Variants in LRBA observed in about 807,000 individuals in gnomAD.
The protein encoded by LRBA is LPS responsive beige-like anchor protein, also known as lipopolysaccharide-responsive and beige-like anchor protein.
Under a neutral mutation model 330.0 loss-of-function variants are expected in LRBA, and 176 were observed. The ratio of observed to expected loss-of-function variants is 0.53; its 90% CI spans 0.47 to 0.60. The LOEUF is 0.60. LRBA is among the 20% of genes least tolerant of loss of function. The probability of loss-of-function intolerance (pLI) is 0.00; values close to 1 mark genes in which losing one functional copy is unlikely to be tolerated. For missense variants in LRBA, 3,259 were observed against 3,444.8 expected (o/e 0.95, Z 1.35); for synonymous variants, 1,230 against 1,193.0 (o/e 1.03, Z -0.64).
chr4:150,827,173 A>G (rs556727451), intron 30 of LRBA, among the ~76,000 whole-genome samples: 1 of 152,336 alleles, frequency 6.6e-6, no homozygotes, highest in East Asian at 1.9e-4. Context: ...ACATAGAAGA[A>G]GCAGTACCAG....
chr4:150,404,703 C>T (rs72734443), intron 47 of LRBA, among the ~76,000 whole-genome samples: 1 of 152,010 alleles, frequency 6.6e-6, no homozygotes, highest in African/African-American at 2.4e-5. Flanking sequence ...ATGAGATACC[C>T]ACGGGGAAGA....
rs1775545415 is a variant in LRBA at position 150,614,194 on chromosome 4, G to A, written c.5922-15063C>T. Among the ~76,000 whole-genome samples the A allele has an allele frequency of 2.0e-5, 3 of 152,078 alleles. No homozygotes were observed. The South Asian group carries it at 6.2e-4, about 32-fold the overall frequency. On this transcript the variant is annotated intron_variant, in intron 37 of 56. Transcript: ENST00000651943. ...TCATTTTTGGCTTGTTACTTTAATT[G>A]GCTACTCCTACACCTGACAGTTCAA...
At chr4:150,775,447 A>C (rs1246752128) in intron 34 of LRBA, among the ~76,000 whole-genome samples, 1 of 129,754 alleles carries the variant, frequency 7.7e-6, no homozygotes, top group Non-Finnish European at 1.6e-5. Flanking sequence ...GGAAGTCTGC[A>C]ATGGAACACA....
intron 40 of LRBA, among the ~76,000 whole-genome samples, chr4:150,544,122 C>T (rs1765601432): frequency 6.6e-6 from 1 of 151,762 alleles, no homozygotes; most frequent in Non-Finnish European, 1.5e-5. Flanking sequence ...CATAATTCTT[C>T]CTTTCTTTTT....
At chr4:150,512,212 C>T (rs923569367) in intron 40 of LRBA, among the ~76,000 whole-genome samples, 1 of 152,076 alleles carries the variant, frequency 6.6e-6, no homozygotes, top group Non-Finnish European at 1.5e-5. Context: ...GTATTTCAGC[C>T]CCTGGTAAGG....
intron 47 of LRBA, among the ~76,000 whole-genome samples, chr4:150,394,401 T>C (rs1561113990): frequency 1.3e-5 from 2 of 152,222 alleles, no homozygotes; most frequent in Non-Finnish European, 2.9e-5. Flanking sequence ...TAATTAGATA[T>C]GTTAATTATG....
chr4:150,542,780 CAAT>C (rs1051803428), intron 40 of LRBA, among the ~76,000 whole-genome samples: 17 of 152,170 alleles, frequency 1.1e-4, no homozygotes, highest in African/African-American at 3.9e-4. Context: ...AAAACAAACT[CAAT>C]GATTTAAAAT....
At chr4:150,484,183 G>A (rs1322195738) in intron 42 of LRBA, among the ~76,000 whole-genome samples, 1 of 151,786 alleles carries the variant, frequency 6.6e-6, no homozygotes, top group Non-Finnish European at 1.5e-5. Context: ...AGGTAATGCT[G>A]GTCTCATATA....
At chr4:150,723,889 C>G (rs1293113945) in intron 36 of LRBA, among the ~76,000 whole-genome samples, 1 of 152,138 alleles carries the variant, frequency 6.6e-6, no homozygotes, top group Non-Finnish European at 1.5e-5. Flanking sequence ...AGAAGAGCCC[C>G]TAGGCTCTCA....
At chr4:150,738,104 C>T (rs1731462593) in intron 35 of LRBA, among the ~76,000 whole-genome samples, 2 of 151,402 alleles carry the variant, frequency 1.3e-5, no homozygotes, top group South Asian at 4.2e-4. Context: ...GATTCTCCTG[C>T]CTCAACCTCC....
intron 47 of LRBA, among the ~76,000 whole-genome samples, chr4:150,391,267 T>C (rs895636352): frequency 6.6e-6 from 1 of 152,214 alleles, no homozygotes; most frequent in Non-Finnish European, 1.5e-5. Context: ...GATGACATCA[T>C]GGATTCAATT....
At chr4:150,720,018 T>A (rs75945619) in intron 36 of LRBA, among the ~76,000 whole-genome samples, 1 of 152,114 alleles carries the variant, frequency 6.6e-6, no homozygotes. Context: ...CTATTTCAAA[T>A]AAGCTCTTCC....
intron 37 of LRBA, among the ~76,000 whole-genome samples, chr4:150,678,385 C>T (rs113813477): frequency 2.6e-5 from 4 of 152,092 alleles, no homozygotes; most frequent in African/African-American, 7.2e-5. Flanking sequence ...AAAAAAATGG[C>T]TCCTCAGTAT....
At chr4:150,868,013 G>C (rs1752948695) in intron 21 of LRBA, 150 bp from the exon 22 acceptor site, 1 of 887,238 alleles carries the variant, frequency 1.1e-6, no homozygotes. Context: ...TCGACAATGT[G>C]GTACTAAAAA....
At chr4:150,801,745 A>G (rs1186251684) in intron 33 of LRBA, among the ~76,000 whole-genome samples, 2 of 152,180 alleles carry the variant, frequency 1.3e-5, no homozygotes, top group Non-Finnish European at 2.9e-5. Context: ...CTGCTAAATA[A>G]CATGCTCATA....
chr4:150,869,738 CA>C (rs79342509), intron 20 of LRBA, among the ~76,000 whole-genome samples: 12,535 of 145,940 alleles, frequency 0.086, 695 homozygotes, highest in East Asian at 0.19. Flanking sequence ...TAAATTAAAA[CA>C]AAAAAAAAAA....
At chr4:150,541,128 C>T (rs530065320) in intron 40 of LRBA, among the ~76,000 whole-genome samples, 22 of 152,276 alleles carry the variant, frequency 1.4e-4, no homozygotes, top group African/African-American at 5.1e-4. Context: ...AGTTCAATGG[C>T]TCAAATAGTA....
At chr4:150,848,300 C>A (rs1362151700) in intron 26 of LRBA, among the ~76,000 whole-genome samples, 2 of 152,140 alleles carry the variant, frequency 1.3e-5, no homozygotes, top group Non-Finnish European at 2.9e-5. Flanking sequence ...CAGGTGTGAG[C>A]CACCACCCCA....
intron 2 of LRBA, among the ~76,000 whole-genome samples, chr4:150,991,325 C>T (rs566487370): frequency 1.1e-4 from 17 of 152,268 alleles, no homozygotes; most frequent in African/African-American, 2.9e-4. Flanking sequence ...CATACATTTA[C>T]CATACCAAGC....
Sources: gnomAD v4.1 joint callset for allele counts (sites outside exome capture counted in the v4.1 genomes callset) on GRCh38, gnomAD v4.1.1 for gene constraint, MANE v1.5 for transcripts, NCBI Gene and HGNC (gene_info 2026-07-23, HGNC 2026-07-21) for gene names.